Variants in ARNT2 observed in about 807,000 individuals in gnomAD.
The protein encoded by ARNT2 is aryl hydrocarbon receptor nuclear translocator 2.
Under a neutral mutation model 91.7 loss-of-function variants are expected in ARNT2, and 36 were observed. The observed-to-expected ratio is 0.39, with a 90% CI of 0.30 to 0.52. ARNT2 has a LOEUF of 0.52. Ranked by LOEUF, ARNT2 falls within the 20% of genes least tolerant of loss-of-function variation. ARNT2 has a pLI of 0.72. For missense variants in ARNT2, 775 were observed against 939.3 expected (o/e 0.83, Z 2.29); for synonymous variants, 365 against 347.1 (o/e 1.05, Z -0.57).
At chr15:80,440,756 C>A (rs1896177024) in intron 1 of ARNT2, among the ~76,000 whole-genome samples, 1 of 152,250 alleles carries the variant, frequency 6.6e-6, no homozygotes. Flanking sequence ...GACCTGGCCT[C>A]TTCTTGCTTT....
intron 17 of ARNT2, among the ~76,000 whole-genome samples, chr15:80,591,000 T>A (rs569035170): frequency 6.6e-6 from 1 of 152,294 alleles, no homozygotes; most frequent in South Asian, 2.1e-4. Context: ...GGACCTTGTA[T>A]AATGCGTGTG....
At chr15:80,535,687 T>C (rs1454808037) in intron 8 of ARNT2, among the ~76,000 whole-genome samples, 1 of 152,146 alleles carries the variant, frequency 6.6e-6, no homozygotes, top group Non-Finnish European at 1.5e-5. Context: ...TCAACCTGTC[T>C]TTGTCTTTTA....
intron 8 of ARNT2, among the ~76,000 whole-genome samples, chr15:80,548,922 C>T (rs1362107426): frequency 6.6e-6 from 1 of 151,936 alleles, no homozygotes; most frequent in South Asian, 2.1e-4. Flanking sequence ...TATCAAAGTT[C>T]CTGTGGAAAA....
At chr15:80,574,955 T>C in intron 13 of ARNT2, 32 bp from the exon 14 acceptor site, 1 of 1,607,690 alleles carries the variant, frequency 6.2e-7, no homozygotes, top group Non-Finnish European at 8.5e-7. Context: ...TACGCATGAG[T>C]TGCTGTTGTG....
intron 5 of ARNT2, among the ~76,000 whole-genome samples, chr15:80,477,286 A>G (rs1490568066): frequency 1.3e-5 from 2 of 152,224 alleles, no homozygotes; most frequent in South Asian, 4.1e-4. Flanking sequence ...TGGGAAGTCC[A>G]AGATCAAGGC....
chr15:80,521,803 G>A (rs952197107), intron 8 of ARNT2, among the ~76,000 whole-genome samples: 1 of 152,094 alleles, frequency 6.6e-6, no homozygotes, highest in Non-Finnish European at 1.5e-5. Context: ...ATATATCATT[G>A]CCTCCGCTGG....
At chr15:80,423,723 T>C (rs1158469817) in intron 1 of ARNT2, among the ~76,000 whole-genome samples, 2 of 151,792 alleles carry the variant, frequency 1.3e-5, no homozygotes, top group Non-Finnish European at 2.9e-5. Context: ...GTGTGGTCAG[T>C]GAAGCTTTTG....
intron 10 of ARNT2, among the ~76,000 whole-genome samples, chr15:80,553,623 A>T (rs1387023296): frequency 6.6e-6 from 1 of 152,242 alleles, no homozygotes; most frequent in Non-Finnish European, 1.5e-5. Flanking sequence ...GAAGAAAAAA[A>T]TGCAAATGTG....
In ARNT2 at chr15:80,466,806, A is replaced by G. The variant is rs191488356; in HGVS notation, c.195-3412A>G. Among the ~76,000 whole-genome samples, 399 of 152,378 alleles carry G rather than the reference A, an allele frequency of 2.6e-3. 3 individuals carry two copies. Among genetic ancestry groups the G allele is most frequent in the Non-Finnish European group, 2.9e-3 (199 of 68,038 alleles). The stretch of plus-strand genomic sequence containing the variant: ...CTCAGTATTATTTCATAAAATATAA[A>G]GTACTTGGAGCATTTTCTGGACTAG... On this transcript the variant is annotated intron_variant, in intron 3 of 18. Coordinates refer to ENST00000303329, the MANE Select transcript of ARNT2 (RefSeq NM_014862.4).
chr15:80,418,576 G>T (rs1895818400), intron 1 of ARNT2, among the ~76,000 whole-genome samples: 1 of 152,200 alleles, frequency 6.6e-6, no homozygotes. Flanking sequence ...ACTGTCCAAG[G>T]ACTGTTCTTC....
At chr15:80,486,107 A>G (rs1330590581) in intron 5 of ARNT2, among the ~76,000 whole-genome samples, 1 of 152,156 alleles carries the variant, frequency 6.6e-6, no homozygotes, top group Non-Finnish European at 1.5e-5. Context: ...CATTCCTTGT[A>G]GACACATCGG....
At chr15:80,418,092 A>G (rs767952239) in intron 1 of ARNT2, among the ~76,000 whole-genome samples, 13 of 152,222 alleles carry the variant, frequency 8.5e-5, no homozygotes, top group Non-Finnish European at 1.3e-4. Flanking sequence ...AGTAGTGTGG[A>G]ACATGGCACA....
chr15:80,484,182 C>CA (rs60224399), intron 5 of ARNT2, among the ~76,000 whole-genome samples: 7,470 of 123,262 alleles, frequency 0.061, 483 homozygotes, highest in African/African-American at 0.18. Context: ...ATAAATGTGG[C>CA]AAAAAAAAAA....
At chr15:80,462,968 G>A (rs1896583702) in intron 3 of ARNT2, among the ~76,000 whole-genome samples, 1 of 152,152 alleles carries the variant, frequency 6.6e-6, no homozygotes, top group African/African-American at 2.4e-5. Flanking sequence ...TGATGTTTTA[G>A]TTTTAATCAT....
intron 10 of ARNT2, among the ~76,000 whole-genome samples, chr15:80,553,328 C>T (rs1898118431): frequency 6.6e-6 from 1 of 152,044 alleles, no homozygotes; most frequent in Non-Finnish European, 1.5e-5. Context: ...TAATTGTGTC[C>T]TGGGCCTCAA....
chr15:80,493,929 A>G (rs1897090085), intron 5 of ARNT2, among the ~76,000 whole-genome samples: 1 of 152,114 alleles, frequency 6.6e-6, no homozygotes, highest in Non-Finnish European at 1.5e-5. Context: ...TTAAAAGAGC[A>G]TGGCACCCCT....
chr15:80,538,261 T>C (rs2141447443), intron 8 of ARNT2, among the ~76,000 whole-genome samples: 1 of 152,318 alleles, frequency 6.6e-6, no homozygotes, highest in South Asian at 2.1e-4. Flanking sequence ...GAAATGTAAA[T>C]GAGGATTTAG....
intron 8 of ARNT2, among the ~76,000 whole-genome samples, chr15:80,541,679 G>A (rs60819712): frequency 3.3e-5 from 5 of 152,126 alleles, no homozygotes; most frequent in African/African-American, 1.2e-4. Context: ...TTGAGTAGTA[G>A]GAGTAAAACC....
chr15:80,438,672 T>C (rs1331071875), intron 1 of ARNT2, among the ~76,000 whole-genome samples: 2 of 152,208 alleles, frequency 1.3e-5, no homozygotes, highest in African/African-American at 4.8e-5. Context: ...TTTGTAAAAG[T>C]AGCAAGCAAA....
Sources: gnomAD v4.1 joint callset for allele counts (sites outside exome capture counted in the v4.1 genomes callset) on GRCh38, gnomAD v4.1.1 for gene constraint, MANE v1.5 for transcripts, NCBI Gene and HGNC (gene_info 2026-07-23, HGNC 2026-07-21) for gene names.